The following ZNF652 variants were observed in gnomAD, a reference collection of about 807,000 sequenced individuals.
ZNF652 encodes the protein zinc finger protein 652.
Under a neutral mutation model 45.2 loss-of-function variants are expected in ZNF652, and 16 were observed. The ratio of observed to expected loss-of-function variants is 0.35; its 90% confidence interval spans 0.24 to 0.54. The LOEUF is 0.54. ZNF652 is among the 20% of genes least tolerant of loss of function. The pLI is 0.91. For missense variants in ZNF652, 614 were observed against 765.6 expected (o/e 0.80, Z 2.34); for synonymous variants, 250 against 260.6 (o/e 0.96, Z 0.39).
chr17:49,350,999 A>G lies in ZNF652; in HGVS notation c.-259+10910T>C, dbSNP rs1306147012. On this transcript the variant is annotated intron_variant, in intron 1 of 5. Transcript: ENST00000430262. The stretch of plus-strand genomic sequence containing the variant: ...TATATATATATATATATATATATAT[A>G]TATATATATATATATACACACACAC... 7.8e-3 allele frequency among the ~76,000 whole-genome samples: 165 copies of G among 21,184 alleles called. 8 individuals are homozygous for G. The highest frequency in any genetic ancestry group is 0.022 in the African/African-American group (100 of 4,452). 13.9% of individuals were successfully genotyped at this position (21,184 alleles called of 152,430 possible). A position where few individuals can be genotyped will look rare whatever the true frequency, so the allele number is the denominator to read the frequency against.
chr17:49,322,997 A>T (rs1485055314), intron 1 of ZNF652, among the ~76,000 whole-genome samples: 2 of 152,226 alleles, frequency 1.3e-5, no homozygotes, highest in East Asian at 3.8e-4. Context: ...CTGCATGATC[A>T]GGGTGGTGGT....
chr17:49,321,912 T>A (rs968445760), intron 1 of ZNF652, among the ~76,000 whole-genome samples: 8 of 152,316 alleles, frequency 5.3e-5, no homozygotes, highest in Middle Eastern at 6.8e-3. Context: ...TTTAACAAAT[T>A]ATTACATGAA....
chr17:49,312,313 G>A (rs2069726252), intron 3 of ZNF652, among the ~76,000 whole-genome samples: 1 of 151,932 alleles, frequency 6.6e-6, no homozygotes. Context: ...TTACAGGCAT[G>A]CGCCACCACG....
chr17:49,337,892 T>C (rs1252956015), intron 1 of ZNF652, among the ~76,000 whole-genome samples: 3 of 152,200 alleles, frequency 2.0e-5, no homozygotes, highest in Non-Finnish European at 2.9e-5. Context: ...ATTTATTCTT[T>C]AAAATAATCA....
At chr17:49,300,120 T>C (rs567960328) in intron 5 of ZNF652, among the ~76,000 whole-genome samples, 1 of 152,334 alleles carries the variant, frequency 6.6e-6, no homozygotes, top group East Asian at 1.9e-4. Context: ...ACTTAGAAAA[T>C]ACTGGCTTAA....
At chr17:49,328,300 A>C (rs1238828367) in intron 1 of ZNF652, among the ~76,000 whole-genome samples, 1 of 152,012 alleles carries the variant, frequency 6.6e-6, no homozygotes. Context: ...AGAAGTGGGA[A>C]GGTAAGAATG....
intron 1 of ZNF652, among the ~76,000 whole-genome samples, chr17:49,348,509 G>C (rs957825111): frequency 2.9e-4 from 36 of 125,630 alleles, no homozygotes; most frequent in African/African-American, 1.0e-3. Flanking sequence ...GAAAAGAAAA[G>C]AAAAGAAAAG....
At chr17:49,357,898 T>C (rs2070354196) in intron 1 of ZNF652, among the ~76,000 whole-genome samples, 2 of 152,196 alleles carry the variant, frequency 1.3e-5, no homozygotes, top group Non-Finnish European at 2.9e-5. Context: ...CTGCAAGACT[T>C]AGGTATGCTC....
rs147522359 is a variant in ZNF652 at position 49,295,937 on chromosome 17, C to CAAAAAAAAAAAAAAAAAAA, written c.*2457_*2475dup. On this transcript the variant is annotated 3_prime_UTR_variant, in exon 6 of 6. Transcript: ENST00000430262. ...CAGGCAACAGAACAAGACTCTGCCT[C>CAAAAAAAAAAAAAAAAAAA]AAAAAAAAAAAAAAAAAAAAAAAAA... The CAAAAAAAAAAAAAAAAAAA allele has an allele frequency of 3.9e-5, 2 of 51,222 alleles. No homozygotes were observed. Among genetic ancestry groups the CAAAAAAAAAAAAAAAAAAA allele is most frequent in the Non-Finnish European group, 7.3e-5 (2 of 27,552 alleles). The allele number at this position is 51,222 out of a possible 1,614,324, so 3.2% of individuals were successfully genotyped here.
intron 1 of ZNF652, among the ~76,000 whole-genome samples, chr17:49,351,627 A>C (rs892734898): frequency 2.6e-5 from 4 of 152,150 alleles, no homozygotes; most frequent in African/African-American, 9.7e-5. Flanking sequence ...CTCAGGATAG[A>C]AGTAAAGGTG....
intron 1 of ZNF652, among the ~76,000 whole-genome samples, chr17:49,319,084 T>C (rs1185568315): frequency 6.6e-6 from 1 of 151,744 alleles, no homozygotes; most frequent in Non-Finnish European, 1.5e-5. Flanking sequence ...AACCATCCAA[T>C]ATTAATTTTT....
At chr17:49,348,473 G>A (rs999254385) in intron 1 of ZNF652, among the ~76,000 whole-genome samples, 1 of 83,574 alleles carries the variant, frequency 1.2e-5, no homozygotes, top group Admixed American at 1.4e-4. Flanking sequence ...GCAAGACCTT[G>A]CCTCAAAAAA....
intron 1 of ZNF652, among the ~76,000 whole-genome samples, chr17:49,338,545 T>C (rs1219226999): frequency 6.6e-6 from 1 of 152,240 alleles, no homozygotes; most frequent in Non-Finnish European, 1.5e-5. Flanking sequence ...ATATTTTCCT[T>C]AGTTTGAATT....
chr17:49,354,009 A>T (rs974815304), intron 1 of ZNF652, among the ~76,000 whole-genome samples: 3 of 152,242 alleles, frequency 2.0e-5, no homozygotes, highest in African/African-American at 7.2e-5. Context: ...ATTGGAAGGC[A>T]GAACAAACTA....
intron 1 of ZNF652, among the ~76,000 whole-genome samples, chr17:49,327,134 C>CAGT (rs1471668552): frequency 6.6e-6 from 1 of 152,142 alleles, no homozygotes; most frequent in Non-Finnish European, 1.5e-5. Flanking sequence ...TGATGCTTTA[C>CAGT]AGTTTACATA....
chr17:49,344,127 G>A (rs1194105346), intron 1 of ZNF652, among the ~76,000 whole-genome samples: 1 of 152,184 alleles, frequency 6.6e-6, no homozygotes, highest in Non-Finnish European at 1.5e-5. Context: ...CATGAACCCG[G>A]GAGGCGGAGC....
intron 2 of ZNF652, among the ~76,000 whole-genome samples, chr17:49,316,427 G>A (rs973356851): frequency 1.3e-5 from 2 of 152,108 alleles, no homozygotes; most frequent in African/African-American, 2.4e-5. Context: ...CTAGAATCTG[G>A]CATCCTTGTA....
chr17:49,318,840 T>C (rs996663288), intron 1 of ZNF652, among the ~76,000 whole-genome samples: 1 of 152,206 alleles, frequency 6.6e-6, no homozygotes, highest in East Asian at 1.9e-4. Flanking sequence ...GACATAACTA[T>C]AGAAGAGAAG....
At chr17:49,341,996 AC>A (rs1281141438) in intron 1 of ZNF652, among the ~76,000 whole-genome samples, 1 of 152,040 alleles carries the variant, frequency 6.6e-6, no homozygotes, top group African/African-American at 2.4e-5. Flanking sequence ...GACCAGCCTG[AC>A]CAATATGGCG....
Sources: gnomAD v4.1 joint callset for allele counts (sites outside exome capture counted in the v4.1 genomes callset) on GRCh38, gnomAD v4.1.1 for gene constraint, MANE v1.5 for transcripts, NCBI Gene and HGNC (gene_info 2026-07-23, HGNC 2026-07-21) for gene names.